The following U2SURP variants were observed in gnomAD, a reference collection of about 807,000 sequenced individuals.
U2SURP encodes the protein U2 snRNP associated SURP domain containing, also known as U2 snRNP-associated SURP motif-containing protein.
U2SURP carries 9 observed loss-of-function variants against 144.9 expected under a neutral mutation model. The observed-to-expected ratio is 0.06, with a 90% confidence interval of 0.04 to 0.11. The LOEUF is 0.11. U2SURP is among the 10% of genes least tolerant of loss of function. The pLI is 1.00. For synonymous variants in U2SURP, 408 were observed against 396.8 expected (o/e 1.03, Z -0.33); for missense variants, 724 against 1,226.7 (o/e 0.59, Z 6.12).
In U2SURP at chr3:143,054,800, G is replaced by A. The variant is rs1315380904; in HGVS notation, c.2775-143G>A. ...ACACTTATTTGTTCTTGTTACAAAG[G>A]ACTTTGAGTATTGTTAAAAGTAACA... On this transcript the variant is annotated intron_variant, in intron 26 of 27. Transcript: ENST00000473835. The A allele has an allele frequency of 3.9e-5, 31 of 786,830 alleles. No homozygotes were observed. The East Asian group carries it at 9.7e-4, about 25-fold the overall frequency. The allele number at this position is 786,830 out of a possible 1,614,324, so 48.7% of individuals were successfully genotyped here.
At chr3:143,051,181 A>ATT in intron 25 of U2SURP, 132 bp downstream of exon 25, 1 of 546,828 alleles carries the variant, frequency 1.8e-6, no homozygotes, top group East Asian at 3.3e-5. Context: ...TAGGGCAATC[A>ATT]GAAACATTTG....
intron 10 of U2SURP, among the ~76,000 whole-genome samples, chr3:143,021,771 T>C (rs1411549984): frequency 6.6e-6 from 1 of 152,218 alleles, no homozygotes; most frequent in East Asian, 1.9e-4. Flanking sequence ...AATGTTTTAC[T>C]AGGTGCTGAT....
intron 1 of U2SURP, among the ~76,000 whole-genome samples, chr3:143,010,235 A>G (rs1207015317): frequency 3.9e-5 from 6 of 152,146 alleles, no homozygotes; most frequent in African/African-American, 1.4e-4. Flanking sequence ...TATTATATGA[A>G]CTCTTTCTCA....
At chr3:143,037,454 T>C in intron 21 of U2SURP, 119 bp downstream of exon 21, 1 of 938,476 alleles carries the variant, frequency 1.1e-6, no homozygotes. Context: ...ATCAAGTTAT[T>C]AACTTTTCTA....
In U2SURP at chr3:143,022,021, A is replaced by G. The variant is rs78712354; in HGVS notation, c.852+466A>G. The stretch of plus-strand genomic sequence containing the variant: ...TTATTAAAAATTATATTTTGCATAT[A>G]TACTGTTACCTGTTTTCTCTGCATT... On this transcript the variant is annotated intron_variant, in intron 10 of 27. Coordinates refer to ENST00000473835, the MANE Select transcript of U2SURP (RefSeq NM_001080415.2). Among the ~76,000 whole-genome samples the G allele has an allele frequency of 2.7e-3, 416 of 152,334 alleles. 5 individuals carry two copies. The highest frequency in any genetic ancestry group is 9.3e-3 in the African/African-American group (388 of 41,582).
chr3:143,002,682 G>A (rs148398118), intron 1 of U2SURP, among the ~76,000 whole-genome samples: 80 of 152,272 alleles, frequency 5.3e-4, no homozygotes, highest in African/African-American at 1.9e-3. Flanking sequence ...ATTTACGGTA[G>A]GAGAGAAGCT....
chr3:143,044,455 AT>A (rs996059167), intron 24 of U2SURP, among the ~76,000 whole-genome samples: 11 of 148,646 alleles, frequency 7.4e-5, no homozygotes, highest in Non-Finnish European at 9.0e-5. Flanking sequence ...AGCCCGACTA[AT>A]TTTTTTTTTG....
intron 2 of U2SURP, chr3:143,011,989 G>A (rs1173475981): frequency 1.6e-6 from 1 of 636,154 alleles, no homozygotes; most frequent in African/African-American, 1.8e-5. Context: ...GTTACTTCAA[G>A]GAAAACAACT....
intron 16 of U2SURP, among the ~76,000 whole-genome samples, chr3:143,031,200 TTGAAA>T (rs1429636749): frequency 1.3e-5 from 2 of 152,198 alleles, no homozygotes; most frequent in East Asian, 1.9e-4. Context: ...GTGAACATTG[TTGAAA>T]TGAAAGGATC....
chr3:143,035,404 T>TA (rs1933757859), intron 19 of U2SURP, among the ~76,000 whole-genome samples: 1 of 152,184 alleles, frequency 6.6e-6, no homozygotes, highest in Non-Finnish European at 1.5e-5. Flanking sequence ...ATTGAATAAG[T>TA]AAATATGCTT....
At chr3:143,001,714 C>T (rs2108260697) in intron 1 of U2SURP, 41 bp downstream of exon 1, 4 of 1,611,642 alleles carry the variant, frequency 2.5e-6, no homozygotes, top group East Asian at 4.5e-5. Flanking sequence ...GGATCTACCA[C>T]TGTCGTTTGG....
rs776627664 is a variant in U2SURP at position 143,007,814 on chromosome 3, A to G, written c.46-3001A>G. 8.5e-5 allele frequency among the ~76,000 whole-genome samples: 13 copies of G among 152,232 alleles called. No homozygotes were observed. The East Asian group carries it at 1.5e-3, about 18-fold the overall frequency. On this transcript the variant is annotated intron_variant, in intron 1 of 27. Coordinates refer to ENST00000473835, the MANE Select transcript of U2SURP (RefSeq NM_001080415.2). ...AAAATAAAAAGCCAAACTCAAGACA[A>G]AGAATACAGTTCAGTTCCAGGTTAG... is the stretch of plus-strand genomic sequence containing the variant.
chr3:143,034,651 G>T, intron 18 of U2SURP: 1 of 318,176 alleles, frequency 3.1e-6, no homozygotes, highest in Non-Finnish European at 5.8e-6. Context: ...AACGTTTCTT[G>T]CTCGTAAAGG....
chr3:143,010,075 A>G (rs1048305807), intron 1 of U2SURP, among the ~76,000 whole-genome samples: 2 of 152,258 alleles, frequency 1.3e-5, no homozygotes. Flanking sequence ...TTTCAGAAAG[A>G]TAGCATACAT....
At chr3:143,053,817 T>C (rs988674800) in intron 26 of U2SURP, 23 bp downstream of exon 26, 12 of 1,542,300 alleles carry the variant, frequency 7.8e-6, no homozygotes, top group Non-Finnish European at 9.6e-6. Flanking sequence ...TCATATTTAA[T>C]TGCATATACT....
At chr3:143,036,481 C>T (rs1933815868) in intron 20 of U2SURP, among the ~76,000 whole-genome samples, 1 of 152,148 alleles carries the variant, frequency 6.6e-6, no homozygotes, top group South Asian at 2.1e-4. Flanking sequence ...AGCAGATATA[C>T]ATCACCATTC....
At chr3:143,046,266 C>CTTTTTTTTTTTTTTTTTTTTTTT (rs1256140654) in intron 24 of U2SURP, among the ~76,000 whole-genome samples, 1 of 67,232 alleles carries the variant, frequency 1.5e-5, no homozygotes, top group Non-Finnish European at 3.4e-5. Context: ...GAAGCCAGTT[C>CTTTTTTTTTTTTTTTTTTTTTTT]TTTTTTTTTT....
chr3:143,032,689 G>A (rs1933576538), intron 16 of U2SURP, 95 bp from the exon 17 acceptor site: 1 of 1,085,342 alleles, frequency 9.2e-7, no homozygotes, highest in Non-Finnish European at 1.3e-6. Context: ...TATTTTATGT[G>A]AGTAGGTTTT....
chr3:143,052,132 A>C (rs918199660), intron 25 of U2SURP, among the ~76,000 whole-genome samples: 13 of 152,224 alleles, frequency 8.5e-5, no homozygotes, highest in African/African-American at 3.1e-4. Context: ...CACGCCTGTA[A>C]TCCCAGCACT....
Sources: gnomAD v4.1 joint callset for allele counts (sites outside exome capture counted in the v4.1 genomes callset) on GRCh38, gnomAD v4.1.1 for gene constraint, MANE v1.5 for transcripts, NCBI Gene and HGNC (gene_info 2026-07-23, HGNC 2026-07-21) for gene names.